The following B3GALT1 variants were observed in gnomAD, a reference collection of about 807,000 sequenced individuals.
The protein encoded by B3GALT1 is UDP-Gal:betaGlcNAc beta 1,3-galactosyltransferase, polypeptide 1.
B3GALT1 carries 10 observed loss-of-function variants against 23.2 expected under a neutral mutation model. That is an observed-to-expected ratio of 0.43 (90% CI 0.27 to 0.73). B3GALT1 has a LOEUF of 0.73. Among genes scored for constraint, B3GALT1 ranks in the 30% least tolerant of loss-of-function variants. The pLI, the probability that B3GALT1 is intolerant of heterozygous loss-of-function variation, is 0.21. For synonymous variants in B3GALT1, 156 were observed against 141.5 expected (o/e 1.10, Z -0.73); for missense variants, 299 against 405.4 (o/e 0.74, Z 2.25).
At chr2:167,582,750 G>A (rs1373646670) in intron 2 of B3GALT1, among the ~76,000 whole-genome samples, 1 of 152,124 alleles carries the variant, frequency 6.6e-6, no homozygotes, top group Non-Finnish European at 1.5e-5. Context: ...ATTCATCCAA[G>A]CCCATCCCTG....
At chr2:167,428,911 A>G (rs1027734132) in intron 1 of B3GALT1, among the ~76,000 whole-genome samples, 2 of 152,178 alleles carry the variant, frequency 1.3e-5, no homozygotes, top group East Asian at 1.9e-4. Context: ...ATTAATAAAT[A>G]TATTTATCGA....
Position 167,496,243 on chromosome 2 carries a change from G to A in B3GALT1, c.-410+5966G>A, listed in dbSNP as rs989262803. On this transcript the variant is annotated intron_variant, in intron 2 of 4. Coordinates refer to ENST00000392690, the MANE Select transcript of B3GALT1 (RefSeq NM_020981.4). ...TTGGCTAAAGTTGACTGGGGAGTGG[G>A]TGCCCATGAGGCTGGATGTGATTGG... 3.3e-5 allele frequency among the ~76,000 whole-genome samples: 5 copies of A among 152,182 alleles called. No homozygotes were observed. In the South Asian group the frequency reaches 8.3e-4, roughly 25 times the overall value.
At chr2:167,770,909 G>A (rs1688061450) in intron 3 of B3GALT1, among the ~76,000 whole-genome samples, 1 of 152,150 alleles carries the variant, frequency 6.6e-6, no homozygotes, top group South Asian at 2.1e-4. Context: ...TGATATCGCT[G>A]TGCCTTGCCC....
At chr2:167,334,355 A>C (rs188102171) in intron 1 of B3GALT1, among the ~76,000 whole-genome samples, 2 of 152,184 alleles carry the variant, frequency 1.3e-5, no homozygotes, top group South Asian at 4.1e-4. Flanking sequence ...ACTTTTAAAT[A>C]GTCCCTGCAA....
At chr2:167,505,064 A>T (rs1699900059) in intron 2 of B3GALT1, among the ~76,000 whole-genome samples, 1 of 152,206 alleles carries the variant, frequency 6.6e-6, no homozygotes, top group Non-Finnish European at 1.5e-5. Context: ...GCAAGGGCAG[A>T]TCAGCATGTA....
At chr2:167,393,238 GAAA>G (rs202005651) in intron 1 of B3GALT1, among the ~76,000 whole-genome samples, 164 of 89,276 alleles carry the variant, frequency 1.8e-3, no homozygotes, top group African/African-American at 5.7e-3. Context: ...CGTCTCAAAA[GAAA>G]AAAAAAAAAA....
At chr2:167,423,970 G>A (rs139126658) in intron 1 of B3GALT1, among the ~76,000 whole-genome samples, 45 of 152,240 alleles carry the variant, frequency 3.0e-4, no homozygotes, top group Non-Finnish European at 4.7e-4. Context: ...CGATGAGGTG[G>A]TAGACATGAC....
intron 1 of B3GALT1, among the ~76,000 whole-genome samples, chr2:167,381,735 CA>C (rs1697850362): frequency 6.6e-6 from 1 of 152,182 alleles, no homozygotes; most frequent in Non-Finnish European, 1.5e-5. Context: ...AGTTATTATA[CA>C]ACAGAAACTA....
At chr2:167,364,057 G>A (rs747568798) in intron 1 of B3GALT1, among the ~76,000 whole-genome samples, 2 of 150,982 alleles carry the variant, frequency 1.3e-5, no homozygotes, top group African/African-American at 4.9e-5. Flanking sequence ...CCAGTTACTC[G>A]GGAGGATGAG....
At chr2:167,346,351 A>G (rs565261346) in intron 1 of B3GALT1, among the ~76,000 whole-genome samples, 175 of 152,250 alleles carry the variant, frequency 1.1e-3, no homozygotes, top group Non-Finnish European at 1.6e-3. Context: ...TGCCTATTGT[A>G]TATCTATTTA....
chr2:167,597,757 TAGA>T (rs1684806152), intron 2 of B3GALT1, among the ~76,000 whole-genome samples: 1 of 152,194 alleles, frequency 6.6e-6, no homozygotes, highest in African/African-American at 2.4e-5. Flanking sequence ...TTTGTAGATG[TAGA>T]TATAGATGTA....
Position 167,869,014 on chromosome 2 carries a change from T to G in B3GALT1, c.-26T>G, listed in dbSNP as rs763518975. ...TGCCAAGGAGGCGTATTCTTCAATA[T>G]TTGGAATAGACGTGTTCTCAAGACA... On this transcript the variant is annotated 5_prime_UTR_variant, in exon 5 of 5. The change creates a premature stop within an existing upstream ORF in the 5' untranslated region. Transcript: ENST00000392690. This position sits in a 1 kb window ranked among gnomAD's most constrained non-coding sequence, Gnocchi z 6.4. 1.9e-6 allele frequency: 3 copies of G among 1,555,056 alleles called. No homozygotes were observed. Among genetic ancestry groups the G allele is most frequent in the South Asian group, 1.2e-5 (1 of 81,680 alleles).
chr2:167,790,425 C>G (rs1688415154), intron 3 of B3GALT1, among the ~76,000 whole-genome samples: 1 of 152,182 alleles, frequency 6.6e-6, no homozygotes, highest in Non-Finnish European at 1.5e-5. Flanking sequence ...CCTGGGTAAG[C>G]TGTGGCCACA....
rs114332994 is a variant in B3GALT1, at chr2:167,587,275, T to C, written c.-409-59634T>C. Among the ~76,000 whole-genome samples the C allele has an allele frequency of 5.4e-3, 816 of 152,352 alleles. 3 individuals are homozygous for C. The highest frequency in any genetic ancestry group is 0.018 in the African/African-American group (757 of 41,590). ...AAGTATTATTCAACATATTTTTACG[T>C]AAAATGTATCAAACCCATATTATCA... On this transcript the variant is annotated intron_variant, in intron 2 of 4. Coordinates refer to ENST00000392690, the MANE Select transcript of B3GALT1 (RefSeq NM_020981.4).
At chr2:167,537,160 G>A (rs895675267) in intron 2 of B3GALT1, among the ~76,000 whole-genome samples, 4 of 152,160 alleles carry the variant, frequency 2.6e-5, no homozygotes, top group African/African-American at 4.8e-5. Context: ...GAGTAGCAGT[G>A]TCAGGTCTTA....
chr2:167,338,165 C>G (rs1468566540), intron 1 of B3GALT1, among the ~76,000 whole-genome samples: 1 of 152,114 alleles, frequency 6.6e-6, no homozygotes, highest in African/African-American at 2.4e-5. Context: ...ACACAACAGC[C>G]AATATCTGTT....
chr2:167,615,501 G>A (rs952651443), intron 2 of B3GALT1, among the ~76,000 whole-genome samples: 4 of 150,814 alleles, frequency 2.7e-5, no homozygotes, highest in African/African-American at 7.3e-5. Flanking sequence ...TAATAATAAT[G>A]TATTGTATGC....
chr2:167,364,399 G>A (rs1331159312), intron 1 of B3GALT1, among the ~76,000 whole-genome samples: 1 of 151,472 alleles, frequency 6.6e-6, no homozygotes, highest in Non-Finnish European at 1.5e-5. Context: ...ACAACGTGCA[G>A]GTTTGTTACA....
chr2:167,799,828 A>G (rs1391160563), intron 3 of B3GALT1, among the ~76,000 whole-genome samples: 1 of 152,144 alleles, frequency 6.6e-6, no homozygotes, highest in Admixed American at 6.5e-5. Flanking sequence ...TTTAAAGCAA[A>G]TGTTAAAGGG....
Sources: allele counts gnomAD v4.1 joint callset (sites outside exome capture counted in the v4.1 genomes callset), GRCh38; gene constraint gnomAD v4.1.1; non-coding constraint Gnocchi (gnomAD v3.1); transcripts MANE v1.5; gene names NCBI Gene and HGNC (gene_info 2026-07-23, HGNC 2026-07-21).